The following FAM107B variants were observed in gnomAD, a reference collection of about 807,000 sequenced individuals.
FAM107B encodes the protein family with sequence similarity 107 member B.
Under a neutral mutation model 31.5 loss-of-function variants are expected in FAM107B, and 21 were observed. That is an observed-to-expected ratio of 0.67 (90% CI 0.47 to 0.96). FAM107B has a LOEUF of 0.96. FAM107B is among the 40% of genes least tolerant of loss of function. The pLI, the probability that FAM107B is intolerant of heterozygous loss-of-function variation, is 0.00. For missense variants in FAM107B, 452 were observed against 377.1 expected (o/e 1.20, Z -1.64); for synonymous variants, 157 against 141.5 (o/e 1.11, Z -0.78).
chr10:14,737,512 G>A (rs1856328658), intron 1 of FAM107B, among the ~76,000 whole-genome samples: 1 of 152,052 alleles, frequency 6.6e-6, no homozygotes, highest in Admixed American at 6.5e-5. Flanking sequence ...TACTTGGGAG[G>A]CTGAGGCAGA....
intron 2 of FAM107B, among the ~76,000 whole-genome samples, chr10:14,624,382 T>G (rs532859381): frequency 6.6e-5 from 10 of 151,964 alleles, no homozygotes; most frequent in Admixed American, 2.0e-4. Flanking sequence ...CTTGAGGGAG[T>G]CTCAGCACTT....
chr10:14,623,490 T>C (rs539262496), intron 2 of FAM107B, among the ~76,000 whole-genome samples: 1 of 152,240 alleles, frequency 6.6e-6, no homozygotes, highest in East Asian at 1.9e-4. Context: ...GAAGCACACA[T>C]ATTCAGAGGA....
chr10:14,571,712 A>G (rs1851241908), intron 2 of FAM107B: 1 of 919,598 alleles, frequency 1.1e-6, no homozygotes, highest in Non-Finnish European at 1.3e-6. Flanking sequence ...TTTTCTAGAG[A>G]AGGACTACAT....
chr10:14,544,641 G>A (rs547400897), intron 2 of FAM107B, among the ~76,000 whole-genome samples: 2 of 152,242 alleles, frequency 1.3e-5, no homozygotes, highest in East Asian at 1.9e-4. Context: ...ACCCTTGAAC[G>A]CAGTAATTCC....
At chr10:14,638,874 G>A (rs1363900474) in intron 2 of FAM107B, among the ~76,000 whole-genome samples, 1 of 152,012 alleles carries the variant, frequency 6.6e-6, no homozygotes, top group African/African-American at 2.4e-5. Context: ...CTTCCTTCTA[G>A]AGTGTTCTCT....
chr10:14,544,316 T>C (rs529494491), intron 2 of FAM107B, among the ~76,000 whole-genome samples: 3 of 152,310 alleles, frequency 2.0e-5, no homozygotes, highest in African/African-American at 4.8e-5. Context: ...CCAACACTTA[T>C]ACATTACAGC....
At chr10:14,624,135 A>G (rs1853091896) in intron 2 of FAM107B, among the ~76,000 whole-genome samples, 1 of 152,202 alleles carries the variant, frequency 6.6e-6, no homozygotes, top group Admixed American at 6.5e-5. Flanking sequence ...TGCCCAATTC[A>G]CAAAACCCAC....
intron 2 of FAM107B, among the ~76,000 whole-genome samples, chr10:14,598,619 G>C (rs1246193051): frequency 6.6e-6 from 1 of 152,188 alleles, no homozygotes; most frequent in Non-Finnish European, 1.5e-5. Context: ...GCTCTAGAGA[G>C]CTGCCCTACA....
At chr10:14,528,101 A>G in intron 3 of FAM107B, 1 of 311,000 alleles carries the variant, frequency 3.2e-6, no homozygotes, top group Non-Finnish European at 6.3e-6. Context: ...AGGAAGTGGA[A>G]GATAGATGTG....
intron 3 of FAM107B, among the ~76,000 whole-genome samples, chr10:14,525,007 A>T (rs951430891): frequency 1.3e-5 from 2 of 152,250 alleles, no homozygotes; most frequent in African/African-American, 4.8e-5. Context: ...TGGTGCTTAT[A>T]TGATAAATAT....
intron 2 of FAM107B, among the ~76,000 whole-genome samples, chr10:14,662,773 G>A (rs748171210): frequency 5.9e-5 from 9 of 152,206 alleles, no homozygotes; most frequent in African/African-American, 1.2e-4. Context: ...ACTGGGAAGC[G>A]AAGGTGTAGA....
At chr10:14,633,305 T>A (rs1853415644) in intron 2 of FAM107B, among the ~76,000 whole-genome samples, 1 of 150,254 alleles carries the variant, frequency 6.7e-6, no homozygotes, top group South Asian at 2.1e-4. Context: ...AACTAACTAA[T>A]GAAAAAGAGA....
At chr10:14,710,047 C>T (rs1462220075) in intron 1 of FAM107B, among the ~76,000 whole-genome samples, 1 of 152,008 alleles carries the variant, frequency 6.6e-6, no homozygotes, top group Non-Finnish European at 1.5e-5. Context: ...TGTACAGTAC[C>T]AAGAGTGACC....
intron 2 of FAM107B, among the ~76,000 whole-genome samples, chr10:14,617,811 A>G (rs1469577175): frequency 2.0e-5 from 3 of 151,152 alleles, no homozygotes; most frequent in Non-Finnish European, 4.4e-5. Context: ...TTTGGTGCCT[A>G]ATTACCATGG....
intron 1 of FAM107B, among the ~76,000 whole-genome samples, chr10:14,668,762 T>C (rs1854469973): frequency 1.3e-5 from 2 of 152,184 alleles, no homozygotes; most frequent in South Asian, 4.1e-4. Context: ...TAACATCCCT[T>C]GAATTATACT....
intron 2 of FAM107B, among the ~76,000 whole-genome samples, chr10:14,532,254 A>G (rs1847102197): frequency 1.3e-5 from 2 of 152,076 alleles, no homozygotes; most frequent in Admixed American, 1.3e-4. Context: ...ACCTTCTCAG[A>G]GAGGCCTGAC....
At position 14,595,643 on chromosome 10, in the gene FAM107B, G is replaced by A. The variant is rs147335139; in HGVS notation, c.470-65128C>T. 7.8e-4 allele frequency among the ~76,000 whole-genome samples: 119 copies of A among 151,762 alleles called. 1 individual carries two copies. Among genetic ancestry groups the A allele is most frequent in the East Asian group, 1.2e-3 (6 of 5,156 alleles). ...TTTCACCTTGTTGGCCAGGTCCTAG[G>A]GCAAACTTTTTACTTCTCTCCCCCT... On this transcript the variant is annotated intron_variant, in intron 2 of 4. Coordinates refer to ENST00000181796, the MANE Select transcript of FAM107B (RefSeq NM_031453.4).
intron 1 of FAM107B, among the ~76,000 whole-genome samples, chr10:14,702,994 T>C (rs1402228679): frequency 1.3e-5 from 2 of 152,166 alleles, no homozygotes; most frequent in African/African-American, 4.8e-5. Context: ...GCTCATTCAG[T>C]TTCCAAAAAG....
chr10:14,680,288 G>T (rs1465387772), intron 1 of FAM107B, among the ~76,000 whole-genome samples: 11 of 152,042 alleles, frequency 7.2e-5, no homozygotes, highest in Admixed American at 3.3e-4. Flanking sequence ...AAAAGCCAGA[G>T]AGGGGCCGGG....
Sources: gnomAD v4.1 joint callset for allele counts (sites outside exome capture counted in the v4.1 genomes callset) on GRCh38, gnomAD v4.1.1 for gene constraint, MANE v1.5 for transcripts, NCBI Gene and HGNC (gene_info 2026-07-23, HGNC 2026-07-21) for gene names.